Variants in APBA2 observed in about 807,000 individuals in gnomAD.
APBA2 encodes amyloid-beta A4 precursor protein-binding family A member 2.
Under a neutral mutation model 75.0 loss-of-function variants are expected in APBA2, and 30 were observed. The ratio of observed to expected loss-of-function variants is 0.40; its 90% CI spans 0.30 to 0.54. The LOEUF is 0.54. Among genes scored for constraint, APBA2 ranks in the 20% least tolerant of loss-of-function variants. The pLI is 0.49. For missense variants in APBA2, 801 were observed against 1,016.1 expected (o/e 0.79, Z 2.88); for synonymous variants, 444 against 409.6 (o/e 1.08, Z -1.01).
chr15:28,984,206 C>T (rs959366783), intron 2 of APBA2, among the ~76,000 whole-genome samples: 2 of 152,038 alleles, frequency 1.3e-5, no homozygotes, highest in Non-Finnish European at 2.9e-5. Flanking sequence ...CGTTATTATT[C>T]GGGACTCTGA....
chr15:29,059,368 G>A (rs2042036526), intron 4 of APBA2, among the ~76,000 whole-genome samples: 1 of 152,154 alleles, frequency 6.6e-6, no homozygotes, highest in Non-Finnish European at 1.5e-5. Flanking sequence ...CGTCTATGCT[G>A]CCACTCTGGG....
intron 1 of APBA2, among the ~76,000 whole-genome samples, chr15:28,896,685 G>T (rs1433354174): frequency 6.6e-6 from 1 of 152,162 alleles, no homozygotes; most frequent in Non-Finnish European, 1.5e-5. Flanking sequence ...TGGGGGCAGT[G>T]CCTGATTCTG....
intron 2 of APBA2, among the ~76,000 whole-genome samples, chr15:28,937,354 C>G (rs1014215463): frequency 5.3e-5 from 8 of 152,178 alleles, no homozygotes; most frequent in African/African-American, 1.7e-4. Context: ...GGTGTGCCAT[C>G]TTCTGAGGGA....
At chr15:28,987,099 T>G (rs531020254) in intron 2 of APBA2, among the ~76,000 whole-genome samples, 2 of 124,318 alleles carry the variant, frequency 1.6e-5, no homozygotes, top group African/African-American at 1.1e-4. Flanking sequence ...GCATTAGGTT[T>G]TAACATGTGA....
chr15:28,941,803 C>T (rs1595518086), intron 2 of APBA2, among the ~76,000 whole-genome samples: 1 of 152,358 alleles, frequency 6.6e-6, no homozygotes, highest in East Asian at 1.9e-4. Context: ...TTCGCCCAGG[C>T]TGGAGCGCAG....
chr15:29,095,319 C>T (rs1272990649), intron 8 of APBA2, among the ~76,000 whole-genome samples: 1 of 151,886 alleles, frequency 6.6e-6, no homozygotes, highest in Non-Finnish European at 1.5e-5. Flanking sequence ...ATTCCAGATA[C>T]TCGGGAGGCT....
intron 1 of APBA2, among the ~76,000 whole-genome samples, chr15:28,889,487 C>T (rs1045003172): frequency 3.9e-5 from 6 of 152,212 alleles, no homozygotes; most frequent in East Asian, 1.9e-4. Flanking sequence ...TCCACATCCA[C>T]GTTACTCGGC....
At chr15:29,006,433 A>G (rs1358883658) in intron 3 of APBA2, among the ~76,000 whole-genome samples, 1 of 152,218 alleles carries the variant, frequency 6.6e-6, no homozygotes, top group African/African-American at 2.4e-5. Flanking sequence ...AAGACATGGA[A>G]TGTTTTTAGA....
chr15:28,905,578 G>A (rs1364108759), intron 1 of APBA2, among the ~76,000 whole-genome samples: 1 of 152,180 alleles, frequency 6.6e-6, no homozygotes, highest in Non-Finnish European at 1.5e-5. Flanking sequence ...TTTTGAGATG[G>A]AGGTGTTGCT....
In APBA2 at chr15:29,105,432, G is replaced by T; in HGVS notation, c.1578G>T (p.Glu526Asp). 6.2e-7 allele frequency: 1 copy of T among 1,613,488 alleles called. No homozygotes were observed. The highest frequency in any genetic ancestry group is 8.5e-7 in the Non-Finnish European group (1 of 1,180,020). ...AGGCCTTCAGCGTGGCCTACCAGGA[G>T]TTCCTGCGAGCCAATGGCATCAACC... Reference protein sequence around the residue: ...IGQAFSVAYQEFLRANGINPE... With the variant: ...IGQAFSVAYQDFLRANGINPE... Residue 526 changes from glutamate (E) to aspartate (D), a missense_variant, in exon 11 of 15, where the codon GAG becomes GAT. Transcript: ENST00000683413.
At chr15:29,043,703 G>T (rs2041165720) in intron 3 of APBA2, among the ~76,000 whole-genome samples, 1 of 152,106 alleles carries the variant, frequency 6.6e-6, no homozygotes, top group Admixed American at 6.5e-5. Flanking sequence ...GATTTATCTA[G>T]GATCCTGTTA....
chr15:29,108,600 T>C (rs1370395629), intron 13 of APBA2: 1 of 720,402 alleles, frequency 1.4e-6, no homozygotes, highest in Non-Finnish European at 2.3e-6. Context: ...GGCATGGCCG[T>C]GGATTGGGCC....
At chr15:28,968,684 C>T (rs2036870735) in intron 2 of APBA2, among the ~76,000 whole-genome samples, 2 of 152,176 alleles carry the variant, frequency 1.3e-5, no homozygotes, top group Admixed American at 1.3e-4. Flanking sequence ...AAGTCTTAAG[C>T]TCCAGCATCT....
At chr15:28,924,291 A>G (rs1595467659) in intron 2 of APBA2, among the ~76,000 whole-genome samples, 1 of 152,148 alleles carries the variant, frequency 6.6e-6, no homozygotes, top group East Asian at 1.9e-4. Context: ...TTAGCCATTA[A>G]CCAGTTGAAA....
chr15:29,024,671 TG>T (rs2040126301), intron 3 of APBA2, among the ~76,000 whole-genome samples: 1 of 152,234 alleles, frequency 6.6e-6, no homozygotes, highest in Admixed American at 6.5e-5. Flanking sequence ...GTGTTTTTGC[TG>T]TGAAACAACA....
At chr15:29,031,962 G>T (rs1003895029) in intron 3 of APBA2, among the ~76,000 whole-genome samples, 3 of 152,246 alleles carry the variant, frequency 2.0e-5, no homozygotes, top group African/African-American at 7.2e-5. Context: ...AGAAAAGGAA[G>T]GTGGTGTTAA....
intron 2 of APBA2, among the ~76,000 whole-genome samples, chr15:28,943,995 T>C (rs1449872689): frequency 6.6e-6 from 1 of 152,130 alleles, no homozygotes; most frequent in Non-Finnish European, 1.5e-5. Context: ...TGCTGGACGT[T>C]TGAACAGCCT....
intron 3 of APBA2, among the ~76,000 whole-genome samples, chr15:29,006,885 C>G (rs1173679860): frequency 6.6e-6 from 1 of 152,160 alleles, no homozygotes; most frequent in African/African-American, 2.4e-5. Flanking sequence ...CCCAATGATG[C>G]TTTTTGTAGA....
intron 2 of APBA2, among the ~76,000 whole-genome samples, chr15:28,974,480 A>G (rs2037229898): frequency 6.6e-6 from 1 of 152,336 alleles, no homozygotes; most frequent in East Asian, 1.9e-4. Flanking sequence ...ATAATAGGGA[A>G]TACAACTTTG....
Sources: allele counts gnomAD v4.1 joint callset (sites outside exome capture counted in the v4.1 genomes callset), GRCh38; gene constraint gnomAD v4.1.1; transcripts MANE v1.5; gene names NCBI Gene and HGNC (gene_info 2026-07-23, HGNC 2026-07-21).